ZNF516: variants seen among roughly 807,000 people sequenced by gnomAD.
The protein encoded by ZNF516 is zinc finger protein 516.
A neutral mutation model predicts 79.7 loss-of-function variants in ZNF516; 19 were observed. The ratio of observed to expected loss-of-function variants is 0.24; its 90% CI spans 0.17 to 0.35. The LOEUF is 0.35. ZNF516 is among the 10% of genes least tolerant of loss of function. The pLI, the probability that ZNF516 is intolerant of heterozygous loss-of-function variation, is 1.00. For synonymous variants in ZNF516, 877 were observed against 739.5 expected, an observed-to-expected ratio of 1.19 and a Z score of -3.02; for missense variants, 1,678 against 1,679.5, an observed-to-expected ratio of 1.00 and a Z score of 0.02.
At chr18:76,429,688 C>T (rs2075638458) in intron 3 of ZNF516, among the ~76,000 whole-genome samples, 1 of 152,182 alleles carries the variant, frequency 6.6e-6, no homozygotes, top group African/African-American at 2.4e-5. Context: ...CCAGCAGCAG[C>T]ATCCCCCAAA....
At position 76,462,040 on chromosome 18, in the gene ZNF516, G is replaced by A. The variant is rs761241574; in HGVS notation, c.-158+988C>T. On this transcript the variant is annotated intron_variant, in intron 2 of 6. Transcript: ENST00000443185. ...CCTGGCTCCCACCCTTCCCACATCC[G>A]GTTACCTTTTAAATTAATATGACAT... is the stretch of plus-strand genomic sequence containing the variant. Among the ~76,000 whole-genome samples the A allele has an allele frequency of 6.6e-5, 10 of 152,184 alleles. No individual in the cohort carries two copies. The East Asian group carries it at 7.7e-4, about 12-fold the overall frequency.
chr18:76,483,102 C>T (rs1250214444), intron 1 of ZNF516, among the ~76,000 whole-genome samples: 2 of 152,096 alleles, frequency 1.3e-5, no homozygotes, highest in East Asian at 1.9e-4. Flanking sequence ...ATGCAAAAGG[C>T]CACTGTTTCT....
chr18:76,430,045 T>C (rs1042341133), intron 3 of ZNF516, among the ~76,000 whole-genome samples: 5 of 152,212 alleles, frequency 3.3e-5, no homozygotes, highest in Non-Finnish European at 7.3e-5. Context: ...TATCTTCCAA[T>C]TGCTTTTTTC....
intron 3 of ZNF516, among the ~76,000 whole-genome samples, chr18:76,405,195 C>T (rs1199931996): frequency 6.6e-6 from 1 of 152,184 alleles, no homozygotes; most frequent in African/African-American, 2.4e-5. Flanking sequence ...CACCACAAAC[C>T]CAAGGGCCCC....
chr18:76,486,115 C>A (rs970290400), intron 1 of ZNF516, among the ~76,000 whole-genome samples: 15 of 152,112 alleles, frequency 9.9e-5, no homozygotes, highest in African/African-American at 3.4e-4. Context: ...CAAACTATTT[C>A]TCACAAAAAT....
rs772056352 is a variant in ZNF516 at position 76,441,363 on chromosome 18, C to T, written c.1692G>A (p.Ser564=). Residue 564 remains serine, a synonymous_variant, in exon 3 of 7, where the codon TCG becomes TCA. Coordinates refer to ENST00000443185, the MANE Select transcript of ZNF516 (RefSeq NM_014643.4). ...ARCGSLSEGD[S]ASQPSSPGSA... is the part of the protein sequence containing the mutation. ...AGCCAGGGCTGCTGGGCTGGGAGGC[C>T]GAGTCACCCTCACTGAGTGATCCGC... 1.9e-6 allele frequency: 3 copies of T among 1,611,144 alleles called. No homozygotes were observed. Among genetic ancestry groups the T allele is most frequent in the African/African-American group, 2.7e-5 (2 of 74,896 alleles).
Position 76,428,576 on chromosome 18 carries a change from C to T in ZNF516, c.1810+12669G>A, listed in dbSNP as rs185694052. Among the ~76,000 whole-genome samples, 315 of 152,276 alleles carry T rather than the reference C, an allele frequency of 2.1e-3. 1 individual carries two copies. The highest frequency in any genetic ancestry group is 7.3e-3 in the African/African-American group (305 of 41,548). ...CCCAAAGAGTCCAAGAGAGGAGAGT[C>T]CTCCGCCCACACAGGGAGATTCCCA... On this transcript the variant is annotated intron_variant, in intron 3 of 6. Transcript: ENST00000443185.
In ZNF516 at chr18:76,459,548, C is replaced by T. The variant is rs1284702763; in HGVS notation, c.-158+3480G>A. 2.0e-5 allele frequency among the ~76,000 whole-genome samples: 3 copies of T among 152,234 alleles called. No individual in the cohort carries two copies. The highest frequency in any genetic ancestry group is 4.4e-5 in the Non-Finnish European group (3 of 68,042). ...CCATCGGGCACCGCGTCGCCTCCCT[C>T]GGAATGTATTCCAGCACTGTCTGCC... On this transcript the variant is annotated intron_variant, in intron 2 of 6. Transcript: ENST00000443185. This position sits in a 1 kb window ranked among gnomAD's most constrained non-coding sequence, Gnocchi z 5.0.
chr18:76,375,329 A>G (rs55742773), intron 4 of ZNF516, among the ~76,000 whole-genome samples: 22,903 of 152,084 alleles, frequency 0.15, 1,982 homozygotes, highest in Non-Finnish European at 0.2. Context: ...GGAAGGCCCC[A>G]GAGAACAGGT....
intron 1 of ZNF516, among the ~76,000 whole-genome samples, chr18:76,476,107 A>G (rs1314673553): frequency 2.0e-5 from 3 of 152,354 alleles, no homozygotes; most frequent in Admixed American, 6.5e-5. Flanking sequence ...CTATTATCTG[A>G]AAAGAAATGG....
At chr18:76,404,627 G>A (rs780377890) in intron 3 of ZNF516, among the ~76,000 whole-genome samples, 31 of 152,330 alleles carry the variant, frequency 2.0e-4, no homozygotes, top group Non-Finnish European at 4.3e-4. Context: ...AAGTATGAGT[G>A]CACCTGTGTG....
At position 76,357,690 on chromosome 18, in the gene ZNF516, A is replaced by T. The variant is rs897299943; in HGVS notation, c.*4808T>A. ...TTTTAAAACACATTTTATCTTTTTA[A>T]ATTAGAATCTTTATTGCATCTGATG... On this transcript the variant is annotated 3_prime_UTR_variant, in exon 7 of 7. Transcript: ENST00000443185. Among the ~76,000 whole-genome samples, 2 of 150,550 alleles carry T rather than the reference A, an allele frequency of 1.3e-5. No individual in the cohort carries two copies. The highest frequency in any genetic ancestry group is 2.9e-5 in the Non-Finnish European group (2 of 68,008).
chr18:76,390,118 C>T (rs566833224), intron 3 of ZNF516, among the ~76,000 whole-genome samples: 6 of 152,312 alleles, frequency 3.9e-5, no homozygotes, highest in African/African-American at 1.4e-4. Flanking sequence ...AACGTCCTGA[C>T]GGGTCCCTCA....
intron 6 of ZNF516, among the ~76,000 whole-genome samples, chr18:76,369,826 C>T (rs900710468): frequency 2.0e-5 from 3 of 152,162 alleles, no homozygotes; most frequent in African/African-American, 4.8e-5. Context: ...ACAGGTGTGA[C>T]GTCCTCCAGG....
chr18:76,461,881 G>C (rs981892958), intron 2 of ZNF516, among the ~76,000 whole-genome samples: 2 of 152,210 alleles, frequency 1.3e-5, no homozygotes, highest in Non-Finnish European at 2.9e-5. Context: ...AGAAACCCTG[G>C]GCAGCCTCAC....
chr18:76,429,517 C>A (rs1159770013), intron 3 of ZNF516, among the ~76,000 whole-genome samples: 2 of 152,060 alleles, frequency 1.3e-5, no homozygotes, highest in African/African-American at 2.4e-5. Context: ...CAGAGGTGCC[C>A]ACAGTGAAGG....
rs540878400 is a variant in ZNF516 at position 76,435,605 on chromosome 18, A to G, written c.1810+5640T>C. Reference sequence around the variant, plus strand: ...GCATGTGACTGTCAACTACATCTGAATATTTTTCTGGAAGAACACTGCTGC... The same window carrying G: ...GCATGTGACTGTCAACTACATCTGAGTATTTTTCTGGAAGAACACTGCTGC... On this transcript the variant is annotated intron_variant, in intron 3 of 6. Coordinates refer to ENST00000443185, the MANE Select transcript of ZNF516 (RefSeq NM_014643.4). 4.6e-5 allele frequency among the ~76,000 whole-genome samples: 7 copies of G among 152,366 alleles called. No individual in the cohort carries two copies. In the East Asian group the frequency reaches 1.2e-3, roughly 25 times the overall value.
intron 5 of ZNF516, 86 bp from the exon 6 acceptor site, chr18:76,370,681 T>A: frequency 8.4e-7 from 1 of 1,186,264 alleles, no homozygotes; most frequent in Non-Finnish European, 1.1e-6. Flanking sequence ...ATTAAGTACT[T>A]CCACAAAAAA....
chr18:76,470,307 G>A (rs1386603227), intron 1 of ZNF516, among the ~76,000 whole-genome samples: 1 of 152,116 alleles, frequency 6.6e-6, no homozygotes, highest in East Asian at 1.9e-4. Flanking sequence ...AAGTGGTCAG[G>A]ATACAATTCT....
Sources: allele counts gnomAD v4.1 joint callset (sites outside exome capture counted in the v4.1 genomes callset), GRCh38; gene constraint gnomAD v4.1.1; non-coding constraint Gnocchi (gnomAD v3.1); transcripts MANE v1.5; gene names NCBI Gene and HGNC (gene_info 2026-07-23, HGNC 2026-07-21).